The following ACP4 variants were observed in gnomAD, a reference collection of about 807,000 sequenced individuals.
The protein encoded by ACP4 is testicular acid phosphatase.
A neutral mutation model predicts 47.3 loss-of-function variants in ACP4; 49 were observed. The observed-to-expected ratio is 1.04, with a 90% CI of 0.82 to 1.32. The LOEUF (loss-of-function observed/expected upper bound fraction) is 1.32. Ranked by LOEUF, ACP4 falls within the 40% of genes most tolerant of loss-of-function variation. The pLI is 0.00. For synonymous variants in ACP4, 299 were observed against 265.3 expected, an observed-to-expected ratio of 1.13 and a Z score of -1.23; for missense variants, 594 against 579.3, an observed-to-expected ratio of 1.03 and a Z score of -0.26.
chr19:50,795,155 G>A lies in ACP4; in HGVS notation c.1278G>A (p.Val426=). 1 of 1,541,270 alleles carries A rather than the reference G, an allele frequency of 6.5e-7. No homozygotes were observed. The highest frequency in any genetic ancestry group is 1.4e-5 in the African/African-American group (1 of 73,206). ...GCCTGCGGGCCTTGGGGGGCCCCGT[G>A]TGAGCCAGAAACCAGGGCTTCCCTA... is the stretch of plus-strand genomic sequence containing the variant. ...PGCLRALGGP[V] is the part of the protein sequence containing the mutation. The change falls in exon 11 of 11, where the codon GTG becomes GTA. Residue 426 remains valine (V), a synonymous_variant. Transcript: ENST00000270593.
chr19:50,791,852 G>A (rs751338256), intron 4 of ACP4, 50 bp downstream of exon 4: 1 of 1,539,638 alleles, frequency 6.5e-7, no homozygotes, highest in South Asian at 1.2e-5. Context: ...GGTGGAGAGA[G>A]AGGCAGCTCT....
chr19:50,794,021 G>A (rs1328696877), intron 8 of ACP4, 51 bp downstream of exon 8: 2 of 1,602,536 alleles, frequency 1.2e-6, no homozygotes, highest in African/African-American at 2.7e-5. Context: ...AGGGATGAGG[G>A]TGACAGCGAT....
rs551963035 is a variant in ACP4 at position 50,794,388 on chromosome 19, G to A, written c.862-69G>A. Reference sequence around the variant, plus strand: ...AGAAGCCTGGGGGACATCTGGATGCGCAAGTGTAGTGCTCAGGAGAAAGGC... The same window carrying A: ...AGAAGCCTGGGGGACATCTGGATGCACAAGTGTAGTGCTCAGGAGAAAGGC... On this transcript the variant is annotated intron_variant, in intron 8 of 10. Transcript: ENST00000270593. The A allele has an allele frequency of 1.8e-5, 29 of 1,584,270 alleles. No homozygotes were observed. In the Admixed American group the frequency reaches 3.7e-4, roughly 20 times the overall value.
chr19:50,791,631 G>A (rs759345069), intron 3 of ACP4, 25 bp from the exon 4 acceptor site: 10 of 1,595,498 alleles, frequency 6.3e-6, no homozygotes, highest in Admixed American at 3.3e-5. Context: ...GACCCCCCGC[G>A]TGCCCTCTCT....
intron 6 of ACP4, 63 bp downstream of exon 6, chr19:50,792,400 C>G: frequency 3.9e-6 from 6 of 1,520,026 alleles, no homozygotes; most frequent in Non-Finnish European, 5.4e-6. Context: ...CAGCTTGCTA[C>G]TCACTAGCTG....
chr19:50,792,102 C>G lies in ACP4; in HGVS notation c.480C>G (p.Pro160=), dbSNP rs763095653. 1 of 1,600,326 alleles carries G rather than the reference C, an allele frequency of 6.2e-7. No individual in the cohort carries two copies. Among genetic ancestry groups the G allele is most frequent in the Admixed American group, 1.7e-5 (1 of 57,774 alleles). The change falls in exon 5 of 11, where the codon CCC becomes CCG. Residue 160 remains proline (P), a synonymous_variant. Coordinates refer to ENST00000270593, the MANE Select transcript of ACP4 (RefSeq NM_033068.3). ...TGAGGTTCCCCATGCGCAGCTGTCCCCGATACCACGAGCTGCTGCGGGAGG... is the reference window on the plus strand; with the variant it reads ...TGAGGTTCCCCATGCGCAGCTGTCCGCGATACCACGAGCTGCTGCGGGAGG... The part of the protein sequence containing the change: ...KLLRFPMRSC[P]RYHELLREAT...
At position 50,794,934 on chromosome 19, in the gene ACP4, C is replaced by T. The variant is rs756128057; in HGVS notation, c.1135C>T (p.His379Tyr). 1 of 1,613,134 alleles carries T rather than the reference C, an allele frequency of 6.2e-7. No homozygotes were observed. The highest frequency in any genetic ancestry group is 1.1e-5 in the South Asian group (1 of 90,936). Reference protein sequence around the residue: ...ARPPAHGVSCHGPYEAAIPPA... With the variant: ...ARPPAHGVSCYGPYEAAIPPA... ...GCCTCCCGCCCATGGGGTCTCCTGC[C>T]ATGGCCCCTATGAGGCTGCCATCCC... Residue 379 changes from histidine (H) to tyrosine (Y), a missense_variant, in exon 10 of 11, where the codon CAT becomes TAT. His to Tyr is a moderately conservative substitution (Grantham distance 83). Transcript: ENST00000270593.
rs916607166 is a variant in ACP4, at chr19:50,790,881, A to G, written c.303+21A>G. 2.0e-6 allele frequency: 3 copies of G among 1,538,038 alleles called. No homozygotes were observed. The South Asian group carries it at 3.6e-5, about 19-fold the overall frequency. ...AGGAGGTAGGGCCATAGTGACCCCC[A>G]CCTGGCCCCCTGACCTCCCACCTGT... On this transcript the variant is annotated intron_variant, in intron 3 of 10. Coordinates refer to ENST00000270593, the MANE Select transcript of ACP4 (RefSeq NM_033068.3).
intron 8 of ACP4, 110 bp from the exon 9 acceptor site, chr19:50,794,347 T>C (rs1363043027): frequency 6.8e-7 from 1 of 1,464,818 alleles, no homozygotes; most frequent in Non-Finnish European, 9.2e-7. Context: ...GGAGTAGCTT[T>C]GGGGGGTTGG....
intron 6 of ACP4, 152 bp from the exon 7 acceptor site, chr19:50,793,531 AC>A (rs71824857): frequency 1.7e-5 from 20 of 1,175,648 alleles, no homozygotes; most frequent in Non-Finnish European, 1.7e-5. Flanking sequence ...AAAAACAACA[AC>A]AAAAAAACAC....
At chr19:50,790,987 C>T (rs1384309401) in intron 3 of ACP4, 127 bp downstream of exon 3, 1 of 907,746 alleles carries the variant, frequency 1.1e-6, no homozygotes. Context: ...CCCTCTACCT[C>T]TAATCTCTGA....
rs1020598315 is a variant in ACP4 at position 50,793,487 on chromosome 19, C to T, written c.646-197C>T. 1.5e-5 allele frequency: 12 copies of T among 774,542 alleles called. No individual in the cohort carries two copies. In the East Asian group the frequency reaches 3.3e-4, roughly 21 times the overall value. 48.0% of individuals were successfully genotyped at this position (774,542 alleles called of 1,614,324 possible). ...CCAAGATTGCGCTACTGCACTCCAG[C>T]CTAGGTGATGGAGCAAGGCTCCGTT... On this transcript the variant is annotated intron_variant, in intron 6 of 10. Coordinates refer to ENST00000270593, the MANE Select transcript of ACP4 (RefSeq NM_033068.3).
Position 50,793,974 on chromosome 19 carries a change from A to AGTCCTTGGGAAGCAGTGC in ACP4, c.861+5_861+22dup. The AGTCCTTGGGAAGCAGTGC allele has an allele frequency of 6.2e-7, 1 of 1,613,858 alleles. No individual in the cohort carries two copies. Among genetic ancestry groups the AGTCCTTGGGAAGCAGTGC allele is most frequent in the Non-Finnish European group, 8.5e-7 (1 of 1,179,988 alleles). On this transcript the variant is annotated splice_donor_region_variant and intron_variant, in intron 8 of 10. Transcript: ENST00000270593. ...CAAGATGGTCATGTACTCAGCTGTG[A>AGTCCTTGGGAAGCAGTGC]GTCCTTGGGAAGCAGTGCCACATGG...
intron 6 of ACP4, chr19:50,793,478 GCACTC>G: frequency 1.4e-6 from 1 of 698,250 alleles, no homozygotes; most frequent in Non-Finnish European, 2.3e-6. Flanking sequence ...TTGCGCTACT[GCACTC>G]CAGCCTAGGT....
chr19:50,795,023 C>A lies in ACP4; in HGVS notation c.1166-20C>A, dbSNP rs758009642. ...GGTTGCCAAGTCCTGGCACTCACCC[C>A]CCGCGTGTTCTCCCTGCAGCTCCAG... On this transcript the variant is annotated intron_variant, in intron 10 of 10. Coordinates refer to ENST00000270593, the MANE Select transcript of ACP4 (RefSeq NM_033068.3). The A allele has an allele frequency of 1.1e-5, 17 of 1,612,722 alleles. No individual in the cohort carries two copies. Among genetic ancestry groups the A allele is most frequent in the South Asian group, 9.9e-5 (9 of 91,050 alleles).
At chr19:50,793,607 A>AG in intron 6 of ACP4, 77 bp from the exon 7 acceptor site, 2 of 1,565,264 alleles carry the variant, frequency 1.3e-6, no homozygotes, top group Admixed American at 1.8e-5. Context: ...TCAGAAGAGC[A>AG]GGGGGCAGCA....
At position 50,790,576 on chromosome 19, in the gene ACP4, G is replaced by C. The variant is rs771408964; in HGVS notation, c.112-18G>C. 2.6e-6 allele frequency: 4 copies of C among 1,546,764 alleles called. No individual in the cohort carries two copies. Among genetic ancestry groups the C allele is most frequent in the Non-Finnish European group, 3.5e-6 (4 of 1,145,246 alleles). On this transcript the variant is annotated intron_variant, in intron 1 of 10. Coordinates refer to ENST00000270593, the MANE Select transcript of ACP4 (RefSeq NM_033068.3). Reference sequence around the variant, plus strand: ...CCTTAGCTCCCCCAGGGCTAGCCCTGACCAGTCCTGTCCCCAGGTATTCCG... The same window carrying C: ...CCTTAGCTCCCCCAGGGCTAGCCCTCACCAGTCCTGTCCCCAGGTATTCCG...
rs2089533366 is a variant in ACP4 at position 50,794,029 on chromosome 19, G to A, written c.861+59G>A. 3.1e-6 allele frequency: 5 copies of A among 1,591,060 alleles called. No homozygotes were observed. In the Admixed American group the frequency reaches 6.7e-5, roughly 21 times the overall value. On this transcript the variant is annotated intron_variant, in intron 8 of 10. Transcript: ENST00000270593. ...GAGGCACAGGGATGAGGGTGACAGC[G>A]ATTTAGGTGAGGAAGAGCCTGTGGT... is the stretch of plus-strand genomic sequence containing the variant.
At chr19:50,792,646 C>A in intron 6 of ACP4, 1 of 283,762 alleles carries the variant, frequency 3.5e-6, no homozygotes, top group East Asian at 6.6e-5. Context: ...AAAACCTGGG[C>A]AGCGGGAGCT....
Sources: allele counts gnomAD v4.1 joint callset, GRCh38; gene constraint gnomAD v4.1.1; transcripts MANE v1.5; gene names NCBI Gene and HGNC (gene_info 2026-07-23, HGNC 2026-07-21).